Variants in PPEF1 observed in about 807,000 individuals in gnomAD.
PPEF1 encodes the protein serine/threonine-protein phosphatase with EF-hands 1.
In PPEF1, 12 loss-of-function variants were observed where a neutral mutation model predicts 53.3. The observed-to-expected ratio is 0.23, with a 90% CI of 0.14 to 0.36. The LOEUF (loss-of-function observed/expected upper bound fraction) is 0.36. PPEF1 is among the 10% of genes least tolerant of loss of function. The probability of loss-of-function intolerance (pLI) is 1.00; values close to 1 mark genes in which losing one functional copy is unlikely to be tolerated. For missense variants in PPEF1, 334 were observed against 490.4 expected (o/e 0.68, Z 3.01); for synonymous variants, 165 against 176.7 (o/e 0.93, Z 0.52).
intron 12 of PPEF1, among the ~76,000 whole-genome samples, chrX:18,811,815 C>G: frequency 9.2e-6 from 1 of 109,143 alleles, no homozygotes; most frequent in Middle Eastern, 4.7e-3. Context: ...CCATGTTGCC[C>G]AGGCTGATCT....
chrX:18,747,159 G>T (rs2045346693), intron 3 of PPEF1, among the ~76,000 whole-genome samples: 1 of 111,580 alleles, frequency 9.0e-6, no homozygotes, highest in Non-Finnish European at 1.9e-5. Context: ...CAGAGTGCTG[G>T]GCTGGGAGAG....
At chrX:18,794,668 G>A (rs955028392) in intron 10 of PPEF1, among the ~76,000 whole-genome samples, 2 of 112,784 alleles carry the variant, frequency 1.8e-5, no homozygotes, top group Non-Finnish European at 3.7e-5. Context: ...TCTGCCCAAT[G>A]AGCGGGAGAA....
In PPEF1 at chrX:18,728,188, GCT is replaced by G. The variant is rs1170613825; in HGVS notation, c.47-1978_47-1977del. Among the ~76,000 whole-genome samples the G allele has an allele frequency of 8.9e-3, 932 of 105,290 alleles. 11 individuals carry two copies. The highest frequency in any genetic ancestry group is 0.031 in the African/African-American group (883 of 28,614). 91.4% of individuals were successfully genotyped at this position (105,290 alleles called of 115,157 possible). On this transcript the variant is annotated intron_variant, in intron 1 of 15. Coordinates refer to ENST00000470157, the MANE Select transcript of PPEF1 (RefSeq NM_001377996.1). ...CTCTCTCTGTCTCTCTCTCTCTCTC[GCT>G]CTCTCTCTCTCTCTATATATATATC...
intron 1 of PPEF1, among the ~76,000 whole-genome samples, chrX:18,713,589 G>A (rs1000086467): frequency 1.8e-5 from 2 of 110,469 alleles, no homozygotes; most frequent in African/African-American, 6.6e-5. Context: ...TCTGCTGAAA[G>A]CTGATGCAGT....
At chrX:18,767,470 G>A (rs933960215) in intron 6 of PPEF1, among the ~76,000 whole-genome samples, 2 of 111,724 alleles carry the variant, frequency 1.8e-5, no homozygotes, top group Non-Finnish European at 3.8e-5. Context: ...GCTTGAACCC[G>A]GGATGCAGAG....
chrX:18,793,230 TA>T (rs1268383025), intron 10 of PPEF1, among the ~76,000 whole-genome samples: 1 of 110,040 alleles, frequency 9.1e-6, no homozygotes, highest in African/African-American at 3.3e-5. Flanking sequence ...GCTGCTGCCT[TA>T]AAAAAAATAG....
intron 7 of PPEF1, 132 bp downstream of exon 7, chrX:18,779,308 A>T: frequency 3.4e-6 from 2 of 583,805 alleles, no homozygotes; most frequent in Middle Eastern, 5.4e-4. Flanking sequence ...GAGGACTTCA[A>T]TTCTTACCCC....
intron 12 of PPEF1, among the ~76,000 whole-genome samples, chrX:18,813,310 C>T (rs748084712): frequency 2.1e-4 from 20 of 97,556 alleles, no homozygotes; most frequent in African/African-American, 6.6e-4. Context: ...ACCCGGGAGG[C>T]GGAGGTTGCA....
chrX:18,799,556 A>G (rs897388568), intron 10 of PPEF1, among the ~76,000 whole-genome samples: 7 of 112,086 alleles, frequency 6.2e-5, no homozygotes, highest in African/African-American at 2.3e-4. Flanking sequence ...TTTCAGAGCT[A>G]TTAACTCTCC....
At chrX:18,790,681 T>C (rs2046308150) in intron 10 of PPEF1, among the ~76,000 whole-genome samples, 1 of 111,430 alleles carries the variant, frequency 9.0e-6, no homozygotes, top group Admixed American at 9.6e-5. Flanking sequence ...TGTGGATATT[T>C]AGTTATCCCA....
chrX:18,707,676 G>C lies in PPEF1; in HGVS notation c.-105G>C, dbSNP rs1237541805. ...CTCATTAGAATCTATGACTGAAGAG[G>C]ATCGGCTAAGAGTGGTTCCTCGCAG... On this transcript the variant is annotated 5_prime_UTR_variant, in exon 1 of 16. Coordinates refer to ENST00000470157, the MANE Select transcript of PPEF1 (RefSeq NM_001377996.1). 2 of 689,401 alleles carry C rather than the reference G, an allele frequency of 2.9e-6. No individual in the cohort carries two copies. The highest frequency in any genetic ancestry group is 2.3e-6 in the Non-Finnish European group (1 of 443,294). The allele number at this position is 689,401 out of a possible 1,213,427, so 56.8% of individuals were successfully genotyped here.
intron 10 of PPEF1, among the ~76,000 whole-genome samples, chrX:18,790,650 T>G (rs2147631082): frequency 9.0e-6 from 1 of 111,434 alleles, no homozygotes; most frequent in South Asian, 3.8e-4. Flanking sequence ...GGAGGTGAGA[T>G]TCCAAATTCT....
intron 4 of PPEF1, among the ~76,000 whole-genome samples, chrX:18,755,189 TA>T (rs781466718): frequency 1.5e-4 from 16 of 104,877 alleles, no homozygotes; most frequent in South Asian, 8.1e-4. Flanking sequence ...GTGTACAGAG[TA>T]AAAAAAAAAG....
At chrX:18,803,078 G>A (rs2046579787) in intron 10 of PPEF1, among the ~76,000 whole-genome samples, 1 of 112,119 alleles carries the variant, frequency 8.9e-6, no homozygotes, top group Non-Finnish European at 1.9e-5. Context: ...TCAGAGCTGA[G>A]AGCCCCAAAC....
chrX:18,681,974 T>C (rs1172226873), upstream of PPEF1, among the ~76,000 whole-genome samples: 2 of 112,346 alleles, frequency 1.8e-5, no homozygotes, highest in Non-Finnish European at 3.8e-5. Flanking sequence ...CCACTAACGT[T>C]TGGGGTTGTT....
At chrX:18,790,168 G>A (rs930345683) in intron 10 of PPEF1, among the ~76,000 whole-genome samples, 3 of 111,766 alleles carry the variant, frequency 2.7e-5, no homozygotes, top group Admixed American at 1.9e-4. Context: ...TCTCATTGTG[G>A]TTTTGATTTG....
At chrX:18,807,969 ATT>A (rs377271718) in intron 12 of PPEF1, among the ~76,000 whole-genome samples, 2 of 75,829 alleles carry the variant, frequency 2.6e-5, no homozygotes, top group Non-Finnish European at 2.4e-5. Context: ...CTGTACGTAC[ATT>A]TTTTTTTTTT....
intron 10 of PPEF1, among the ~76,000 whole-genome samples, chrX:18,797,885 G>A (rs1422128254): frequency 9.1e-6 from 1 of 109,406 alleles, no homozygotes; most frequent in African/African-American, 3.3e-5. Flanking sequence ...TGTATTTTTA[G>A]TAGAGACGGG....
In PPEF1 at chrX:18,736,066, G is replaced by A. The variant is rs575461283; in HGVS notation, c.235+2258G>A. Among the ~76,000 whole-genome samples the A allele has an allele frequency of 6.7e-4, 75 of 111,433 alleles. 2 individuals are homozygous for A. The South Asian group carries it at 0.025, about 37-fold the overall frequency. ...GGTTTTCTAAATATACAATCATGTC[G>A]TCTGCAAACAGGGACAATTTGACTT... On this transcript the variant is annotated intron_variant, in intron 3 of 15. Coordinates refer to ENST00000470157, the MANE Select transcript of PPEF1 (RefSeq NM_001377996.1).
Sources: allele counts gnomAD v4.1 joint callset (sites outside exome capture counted in the v4.1 genomes callset), GRCh38; gene constraint gnomAD v4.1.1; transcripts MANE v1.5; gene names NCBI Gene and HGNC (gene_info 2026-07-23, HGNC 2026-07-21).